MECR: variants seen among roughly 807,000 people sequenced by gnomAD.
MECR encodes the protein enoyl-[acyl-carrier-protein] reductase, mitochondrial.
In MECR, 37 loss-of-function variants were observed where a neutral mutation model predicts 49.1. The ratio of observed to expected loss-of-function variants is 0.75; its 90% CI spans 0.58 to 0.99. MECR has a LOEUF of 0.99. MECR is among the 50% of genes least tolerant of loss of function. The pLI, the probability that MECR is intolerant of heterozygous loss-of-function variation, is 0.00. For missense variants in MECR, 470 were observed against 479.6 expected, an observed-to-expected ratio of 0.98 and a Z score of 0.19; for synonymous variants, 198 against 191.1, an observed-to-expected ratio of 1.04 and a Z score of -0.30.
the MECR span, among the ~76,000 whole-genome samples, chr1:29,178,641 C>T: frequency 1.3e-5 from 2 of 152,138 alleles, no homozygotes; most frequent in African/African-American, 4.8e-5. Flanking sequence ...CAGGCCACCG[C>T]GCCCGGCCTC....
At position 29,193,764 on chromosome 1, in the gene MECR, T is replaced by C; in HGVS notation, c.*258A>G. 1 of 413,084 alleles carries C rather than the reference T, an allele frequency of 2.4e-6. No individual in the cohort carries two copies. Among genetic ancestry groups the C allele is most frequent in the Non-Finnish European group, 4.3e-6 (1 of 229,894 alleles). The allele number at this position is 413,084 out of a possible 1,614,324, so 25.6% of individuals were successfully genotyped here. A position where few individuals can be genotyped will look rare whatever the true frequency, so the allele number is the denominator to read the frequency against. On this transcript the variant is annotated 3_prime_UTR_variant, in exon 10 of 10. Transcript: ENST00000263702. Reference sequence around the variant, plus strand: ...AAGCAGGAAGGGGGCCTCTTGGTGCTGTGAGCTGACCAGTGCACAGTGTTG... The same window carrying C: ...AAGCAGGAAGGGGGCCTCTTGGTGCCGTGAGCTGACCAGTGCACAGTGTTG...
In MECR at chr1:29,193,960, G is replaced by A; in HGVS notation, c.*62C>T. 6.3e-7 allele frequency: 1 copy of A among 1,595,686 alleles called. No individual in the cohort carries two copies. Among genetic ancestry groups the A allele is most frequent in the Non-Finnish European group, 8.6e-7 (1 of 1,168,278 alleles). ...GGAAGGTGGGAGCCCCAACTGAGGG[G>A]CCTGCACCCAGCCCCTCAGATCCGC... On this transcript the variant is annotated 3_prime_UTR_variant, in exon 10 of 10. Coordinates refer to ENST00000263702, the MANE Select transcript of MECR (RefSeq NM_016011.5).
At chr1:29,228,662 G>C (rs1048561604) in intron 1 of MECR, among the ~76,000 whole-genome samples, 1 of 152,070 alleles carries the variant, frequency 6.6e-6, no homozygotes, top group Non-Finnish European at 1.5e-5. Context: ...AAGTTCCACA[G>C]AAGGACATAA....
At chr1:29,176,251 C>CA in the MECR span, among the ~76,000 whole-genome samples, 29 of 150,698 alleles carry the variant, frequency 1.9e-4, no homozygotes, top group South Asian at 6.3e-4. Context: ...GACTCCATCT[C>CA]AAAAAAAACA....
At chr1:29,190,345 C>A (rs1301674737), downstream of MECR, among the ~76,000 whole-genome samples, 2 of 151,056 alleles carry the variant, frequency 1.3e-5, no homozygotes, top group African/African-American at 4.9e-5. Flanking sequence ...ACCCAGACTC[C>A]GTCTCAAAAA....
chr1:29,224,492 G>A (rs913378124), intron 1 of MECR: 1 of 152,196 alleles, frequency 6.6e-6, no homozygotes, highest in Non-Finnish European at 1.5e-5. Flanking sequence ...AATTGTTGGA[G>A]CAAAGAGGAT....
intron 1 of MECR, among the ~76,000 whole-genome samples, chr1:29,220,374 C>T (rs948871358): frequency 6.6e-6 from 1 of 152,030 alleles, no homozygotes; most frequent in East Asian, 1.9e-4. Flanking sequence ...GTACTCCAAC[C>T]TGGGCGACAA....
At chr1:29,184,118 T>C in the MECR span, among the ~76,000 whole-genome samples, 1 of 149,862 alleles carries the variant, frequency 6.7e-6, no homozygotes, top group African/African-American at 2.5e-5. Context: ...GACCTCGTGA[T>C]CTGCCTGCCT....
chr1:29,202,042 A>T lies in MECR; in HGVS notation c.657T>A (p.Pro219=), dbSNP rs1395964173. The T allele has an allele frequency of 1.9e-6, 3 of 1,614,078 alleles. No homozygotes were observed. In the Admixed American group the frequency reaches 5.0e-5, roughly 27 times the overall value. The change falls in exon 6 of 10, where the codon CCT becomes CCA. Residue 219 remains proline (P), a synonymous_variant. Transcript: ENST00000263702. ...LRTINVVRDR[P]DIQKLSDRLK... is the part of the protein sequence containing the mutation. ...GTCTGTCACTCAGCTTCTGGATATC[A>T]GGTCTGGAAACCAAACATAGGTCCC...
At chr1:29,217,882 A>C (rs1001315803) in intron 1 of MECR, among the ~76,000 whole-genome samples, 2 of 152,208 alleles carry the variant, frequency 1.3e-5, no homozygotes, top group African/African-American at 4.8e-5. Flanking sequence ...ACTCTGAGTG[A>C]TGTCCCTTCT....
At chr1:29,214,367 T>A (rs1017402444) in intron 3 of MECR, among the ~76,000 whole-genome samples, 4 of 149,824 alleles carry the variant, frequency 2.7e-5, no homozygotes, top group Non-Finnish European at 5.9e-5. Flanking sequence ...GGCCTTATTT[T>A]TTTTTTTTTT....
At chr1:29,226,715 C>T (rs938163803) in intron 1 of MECR, among the ~76,000 whole-genome samples, 1 of 152,010 alleles carries the variant, frequency 6.6e-6, no homozygotes, top group African/African-American at 2.4e-5. Context: ...GCCTTTCAAT[C>T]TACTTGAGCT....
In MECR at chr1:29,200,516, G is replaced by A. The variant is rs148978800; in HGVS notation, c.830C>T (p.Ala277Val). ...KSSTELLRQL[A>V]RGGTMVTYGG... is the part of the protein sequence containing the mutation. Reference sequence around the variant, plus strand: ...GGACCTGCAGGCCCAAGGGACTTACGCTAACTGCCGCAGCAGCTCTGTGGA... The same window carrying A: ...GGACCTGCAGGCCCAAGGGACTTACACTAACTGCCGCAGCAGCTCTGTGGA... Residue 277 changes from alanine to valine, a missense_variant and splice_region_variant, in exon 7 of 10, where the codon GCG becomes GTG. Transcript: ENST00000263702. The A allele has an allele frequency of 5.2e-3, 8,379 of 1,612,854 alleles. 39 individuals carry two copies. The highest frequency in any genetic ancestry group is 0.013 in the Middle Eastern group (81 of 6,030).
chr1:29,215,446 T>C (rs1040676343), intron 3 of MECR, among the ~76,000 whole-genome samples: 2 of 151,892 alleles, frequency 1.3e-5, no homozygotes, highest in Admixed American at 1.3e-4. Flanking sequence ...GGCGTGATGG[T>C]GTACACCTGT....
At chr1:29,210,778 A>T (rs1171871857) in intron 3 of MECR, among the ~76,000 whole-genome samples, 1 of 152,218 alleles carries the variant, frequency 6.6e-6, no homozygotes, top group Admixed American at 6.5e-5. Context: ...ACTTTGAATG[A>T]TCACTTCACC....
intron 9 of MECR, among the ~76,000 whole-genome samples, chr1:29,195,331 C>T (rs148354903): frequency 1.2e-4 from 19 of 152,314 alleles, no homozygotes; most frequent in Non-Finnish European, 2.6e-4. Context: ...CATGCCACCA[C>T]CTTCCTCCCC....
At chr1:29,218,664 A>T (rs1680047908) in intron 1 of MECR, among the ~76,000 whole-genome samples, 1 of 152,204 alleles carries the variant, frequency 6.6e-6, no homozygotes. Context: ...CGAGGTCAGG[A>T]GGTCGAGACC....
At chr1:29,183,071 A>G in the MECR span, among the ~76,000 whole-genome samples, 1 of 152,208 alleles carries the variant, frequency 6.6e-6, no homozygotes, top group African/African-American at 2.4e-5. Context: ...TTGAAAGGAT[A>G]ACTCAAGGTT....
downstream of MECR, among the ~76,000 whole-genome samples, chr1:29,190,655 C>T (rs779298970): frequency 2.0e-5 from 3 of 151,242 alleles, no homozygotes; most frequent in African/African-American, 4.9e-5. Flanking sequence ...ACTAGCTGGG[C>T]GTGGTGGCAG....
Sources: gnomAD v4.1 joint callset for allele counts (sites outside exome capture counted in the v4.1 genomes callset) on GRCh38, gnomAD v4.1.1 for gene constraint, MANE v1.5 for transcripts, NCBI Gene and HGNC (gene_info 2026-07-23, HGNC 2026-07-21) for gene names.